The following GRIN2A variants were observed in gnomAD, a reference collection of about 807,000 sequenced individuals.
The protein encoded by GRIN2A is glutamate receptor ionotropic, NMDA 2A.
In GRIN2A, 22 loss-of-function variants were observed where a neutral mutation model predicts 113.4. That is an observed-to-expected ratio of 0.19 (90% confidence interval 0.14 to 0.28). The LOEUF (loss-of-function observed/expected upper bound fraction) is 0.28, where lower values mean the gene tolerates loss of function less well. Ranked by LOEUF, GRIN2A falls within the 10% of genes least tolerant of loss-of-function variation. GRIN2A has a pLI of 1.00. For synonymous variants in GRIN2A, 827 were observed against 738.4 expected (o/e 1.12, Z -1.94); for missense variants, 1,502 against 1,887.0 (o/e 0.80, Z 3.78).
intron 2 of GRIN2A, among the ~76,000 whole-genome samples, chr16:9,942,970 C>A (rs1177647006): frequency 6.6e-6 from 1 of 152,180 alleles, no homozygotes; most frequent in Non-Finnish European, 1.5e-5. Flanking sequence ...TCACATTTAA[C>A]TTTGGGATTT....
intron 4 of GRIN2A, among the ~76,000 whole-genome samples, chr16:9,885,721 G>C (rs1283131762): frequency 7.0e-6 from 1 of 142,726 alleles, no homozygotes; most frequent in Non-Finnish European, 1.6e-5. Context: ...AGCGTGTAGT[G>C]CTGGGGGGGC....
intron 2 of GRIN2A, among the ~76,000 whole-genome samples, chr16:10,014,231 T>G (rs1351524667): frequency 6.6e-6 from 1 of 152,352 alleles, no homozygotes; most frequent in East Asian, 1.9e-4. Context: ...CATTTTCATA[T>G]GGCTGGATAC....
chr16:9,866,466 G>A (rs957222722), intron 4 of GRIN2A, among the ~76,000 whole-genome samples: 9 of 151,410 alleles, frequency 5.9e-5, no homozygotes, highest in Non-Finnish European at 1.3e-4. Flanking sequence ...GAGGGAAAGA[G>A]GAATAAAGGG....
chr16:9,902,647 C>A (rs546205592), intron 3 of GRIN2A, among the ~76,000 whole-genome samples: 3 of 152,254 alleles, frequency 2.0e-5, no homozygotes, highest in Non-Finnish European at 4.4e-5. Flanking sequence ...ACTCATTTAA[C>A]CTCCCTACAC....
intron 2 of GRIN2A, among the ~76,000 whole-genome samples, chr16:10,016,640 G>A (rs2141884049): frequency 6.6e-6 from 1 of 152,324 alleles, no homozygotes; most frequent in African/African-American, 2.4e-5. Flanking sequence ...ACAACGGAGA[G>A]ACGAAGAATT....
chr16:10,094,114 G>A (rs1469443967), intron 2 of GRIN2A, among the ~76,000 whole-genome samples: 1 of 152,206 alleles, frequency 6.6e-6, no homozygotes, highest in Non-Finnish European at 1.5e-5. Context: ...GTTACTCTCT[G>A]CTCAGCACTA....
At chr16:9,885,253 G>T (rs372766908) in intron 4 of GRIN2A, among the ~76,000 whole-genome samples, 3 of 152,222 alleles carry the variant, frequency 2.0e-5, no homozygotes, top group African/African-American at 7.2e-5. Context: ...ACTGCTAATT[G>T]GCAGGAAGAC....
chr16:9,920,263 G>A (rs2044334035), intron 3 of GRIN2A, among the ~76,000 whole-genome samples: 1 of 152,210 alleles, frequency 6.6e-6, no homozygotes, highest in Admixed American at 6.5e-5. Flanking sequence ...ATGAACGAAT[G>A]AAAGAATTCC....
chr16:10,017,094 G>T (rs2046624329), intron 2 of GRIN2A, among the ~76,000 whole-genome samples: 2 of 152,178 alleles, frequency 1.3e-5, no homozygotes, highest in African/African-American at 4.8e-5. Context: ...AAATGAGTTT[G>T]AGTCCAGAGC....
intron 2 of GRIN2A, among the ~76,000 whole-genome samples, chr16:10,118,376 G>C (rs1212101278): frequency 6.6e-6 from 1 of 152,084 alleles, no homozygotes; most frequent in Non-Finnish European, 1.5e-5. Flanking sequence ...AGCAATTGTA[G>C]TTTTTCCCGC....
At chr16:9,802,401 G>A (rs1305284699) in intron 10 of GRIN2A, among the ~76,000 whole-genome samples, 1 of 152,014 alleles carries the variant, frequency 6.6e-6, no homozygotes, top group East Asian at 1.9e-4. Context: ...CATGAATGGA[G>A]GTGCACACCA....
At chr16:9,882,785 A>T (rs1182125873) in intron 4 of GRIN2A, among the ~76,000 whole-genome samples, 1 of 152,026 alleles carries the variant, frequency 6.6e-6, no homozygotes, top group Non-Finnish European at 1.5e-5. Context: ...CCATGTCTCT[A>T]AAAAAAAGTT....
In GRIN2A at chr16:9,764,591, G is replaced by A; in HGVS notation, c.2953C>T (p.Pro985Ser). 1 of 1,614,024 alleles carries A rather than the reference G, an allele frequency of 6.2e-7. No homozygotes were observed. Among genetic ancestry groups the A allele is most frequent in the Non-Finnish European group, 8.5e-7 (1 of 1,180,010 alleles). The change falls in exon 13 of 13, where the codon CCT (proline) becomes TCT (serine). Residue 985 changes from proline (P) to serine (S), a missense_variant. This residue lies in a region of GRIN2A where 832 missense variants were observed against 789.7 expected (regional missense o/e 1.05). Transcript: ENST00000330684. ...LNNYVFQGQHPLTLNESNPNT... is the reference protein window; with the variant it reads ...LNNYVFQGQHSLTLNESNPNT... ...GGGTTGGACTCATTGAGAGTAAGAG[G>A]ATGTTGTCCCTGGAATACATAGTTA... is the stretch of plus-strand genomic sequence containing the variant.
chr16:9,966,384 C>G (rs2045556938), intron 2 of GRIN2A, among the ~76,000 whole-genome samples: 2 of 152,098 alleles, frequency 1.3e-5, no homozygotes, highest in Non-Finnish European at 2.9e-5. Flanking sequence ...GTTATCTGTT[C>G]CTGTGTTAGT....
chr16:10,182,078 G>A lies in GRIN2A; in HGVS notation c.-220C>T, dbSNP rs139646156. The stretch of plus-strand genomic sequence containing the variant: ...CTCTGCAGCAGGGCTCTAACGGGGC[G>A]GAGGAGAGAAGGAGAGGCAGGGTCA... On this transcript the variant is annotated 5_prime_UTR_variant, in exon 1 of 13. Transcript: ENST00000330684. 4.1e-4 allele frequency: 63 copies of A among 153,090 alleles called. No individual in the cohort carries two copies. Among genetic ancestry groups the A allele is most frequent in the South Asian group, 8.3e-4 (4 of 4,840 alleles). 9.5% of individuals were successfully genotyped at this position (153,090 alleles called of 1,614,324 possible).
chr16:9,913,447 C>T (rs1192307306), intron 3 of GRIN2A, among the ~76,000 whole-genome samples: 1 of 152,110 alleles, frequency 6.6e-6, no homozygotes, highest in Non-Finnish European at 1.5e-5. Context: ...CATTGTGCAA[C>T]CTTGTATTTT....
At chr16:10,087,366 G>A (rs942183951) in intron 2 of GRIN2A, among the ~76,000 whole-genome samples, 1 of 152,344 alleles carries the variant, frequency 6.6e-6, no homozygotes, top group South Asian at 2.1e-4. Context: ...CCAGCGGAAT[G>A]TAAGTGGGAG....
chr16:9,941,368 TAC>T (rs1265801771), intron 2 of GRIN2A, among the ~76,000 whole-genome samples: 14 of 152,216 alleles, frequency 9.2e-5, no homozygotes, highest in African/African-American at 3.4e-4. Context: ...TCTGGTTCTC[TAC>T]ATGTAGAGAG....
rs146561108 is a variant in GRIN2A at position 10,133,255 on chromosome 16, G to T, written c.414+46743C>A. On this transcript the variant is annotated intron_variant, in intron 2 of 12. Transcript: ENST00000330684. ...GCCAGGCCACCATCTTGCTCCGAAA[G>T]ATTCACTCCATCTCCCCAAAACTAA... Among the ~76,000 whole-genome samples the T allele has an allele frequency of 3.7e-3, 570 of 152,298 alleles. 2 individuals carry two copies. Among genetic ancestry groups the T allele is most frequent in the African/African-American group, 0.011 (467 of 41,554 alleles).
Sources: allele counts gnomAD v4.1 joint callset (sites outside exome capture counted in the v4.1 genomes callset), GRCh38; gene constraint gnomAD v4.1.1; regional missense constraint gnomAD v4.1.1; transcripts MANE v1.5; gene names NCBI Gene and HGNC (gene_info 2026-07-23, HGNC 2026-07-21).